GRIP1: variants seen among roughly 807,000 people sequenced by gnomAD.
The protein encoded by GRIP1 is glutamate receptor interacting protein 1.
GRIP1 carries 45 observed loss-of-function variants against 129.9 expected under a neutral mutation model. The ratio of observed to expected loss-of-function variants is 0.35; its 90% CI spans 0.27 to 0.44. The LOEUF (loss-of-function observed/expected upper bound fraction) is 0.44, where lower values mean the gene tolerates loss of function less well. Among genes scored for constraint, GRIP1 ranks in the 20% least tolerant of loss-of-function variants. The pLI is 1.00. For synonymous variants in GRIP1, 530 were observed against 520.8 expected (o/e 1.02, Z -0.24); for missense variants, 1,196 against 1,396.8 (o/e 0.86, Z 2.29).
At chr12:66,814,299 G>A (rs1465352578) in intron 1 of GRIP1, among the ~76,000 whole-genome samples, 1 of 152,036 alleles carries the variant, frequency 6.6e-6, no homozygotes, top group East Asian at 1.9e-4. Context: ...ATGAGTACAT[G>A]AAGCTCTTGG....
At chr12:66,899,486 C>T (rs1189832744) in intron 1 of GRIP1, among the ~76,000 whole-genome samples, 1 of 152,046 alleles carries the variant, frequency 6.6e-6, no homozygotes, top group African/African-American at 2.4e-5. Context: ...CCTCAGCCTC[C>T]TGAGTAGCTA....
rs565776414 is a variant in GRIP1 at position 66,363,404 on chromosome 12, C to CT, written c.3012+8289dup. Among the ~76,000 whole-genome samples, 413 of 133,460 alleles carry CT rather than the reference C, an allele frequency of 3.1e-3. 1 individual carries two copies. The highest frequency in any genetic ancestry group is 8.3e-3 in the African/African-American group (304 of 36,506). The allele number at this position is 133,460 out of a possible 152,430, so 87.6% of individuals were successfully genotyped here. On this transcript the variant is annotated intron_variant, in intron 23 of 24. Transcript: ENST00000359742. ...CACAGGTGCGTGCCACCACATCTGGCTTTTTTTTTTTTTTTAAATTATTTT... is the reference window on the plus strand; with the variant it reads ...CACAGGTGCGTGCCACCACATCTGGCTTTTTTTTTTTTTTTTAAATTATTTT...
chr12:66,944,600 T>G (rs2137461593), intron 1 of GRIP1, among the ~76,000 whole-genome samples: 1 of 151,942 alleles, frequency 6.6e-6, no homozygotes, highest in Non-Finnish European at 1.5e-5. Context: ...GAGAAAGTCC[T>G]GCAGCCTGAG....
chr12:66,616,305 A>G (rs1001833740), intron 1 of GRIP1, among the ~76,000 whole-genome samples: 3 of 152,276 alleles, frequency 2.0e-5, no homozygotes, highest in Admixed American at 2.0e-4. Context: ...ATGACAAAAT[A>G]ACTAAAACAT....
intron 1 of GRIP1, among the ~76,000 whole-genome samples, chr12:66,765,673 C>T (rs1367181667): frequency 6.6e-6 from 1 of 152,156 alleles, no homozygotes. Context: ...TTTTTTCTCA[C>T]ATTGCCTTAG....
At chr12:66,587,254 A>G (rs959690990) in intron 2 of GRIP1, among the ~76,000 whole-genome samples, 6 of 152,250 alleles carry the variant, frequency 3.9e-5, no homozygotes, top group African/African-American at 1.4e-4. Context: ...CTCTTCCTCC[A>G]GATCATTACG....
At chr12:66,978,024 G>A (rs142054095) in intron 1 of GRIP1, among the ~76,000 whole-genome samples, 9 of 151,600 alleles carry the variant, frequency 5.9e-5, no homozygotes, top group African/African-American at 2.2e-4. Flanking sequence ...GTCTCACTAT[G>A]TTGCCCAGAG....
chr12:67,057,313 G>A (rs2043453972), intron 1 of GRIP1, among the ~76,000 whole-genome samples: 1 of 151,802 alleles, frequency 6.6e-6, no homozygotes, highest in Admixed American at 6.6e-5. Context: ...CGCTCTCTCT[G>A]CACTACACCT....
chr12:66,373,113 A>G (rs1057041775), intron 22 of GRIP1, among the ~76,000 whole-genome samples: 6 of 152,086 alleles, frequency 3.9e-5, no homozygotes, highest in Admixed American at 2.6e-4. Context: ...TTTTTGAGAT[A>G]GACTCTCACT....
At position 67,024,246 on chromosome 12, in the gene GRIP1, C is replaced by T. The variant is rs74939032; in HGVS notation, c.58+44804G>A. 9.3e-3 allele frequency among the ~76,000 whole-genome samples: 1,411 copies of T among 152,276 alleles called. 9 individuals are homozygous for T. The highest frequency in any genetic ancestry group is 0.022 in the South Asian group (105 of 4,830). On this transcript the variant is annotated intron_variant, in intron 1 of 1. Coordinates refer to the GRIP1 transcript ENST00000643019. ...ACAAACAAATAATCAAGATGCCCAA[C>T]GCACTGCAGATTCGTGTGTATTTCT...
At chr12:66,355,419 T>G (rs2054439856) in intron 23 of GRIP1, among the ~76,000 whole-genome samples, 1 of 152,220 alleles carries the variant, frequency 6.6e-6, no homozygotes, top group South Asian at 2.1e-4. Flanking sequence ...AGTCTTCATT[T>G]TAAGAGGTGA....
intron 1 of GRIP1, among the ~76,000 whole-genome samples, chr12:66,911,951 C>T (rs1488534599): frequency 6.6e-6 from 1 of 152,142 alleles, no homozygotes; most frequent in Non-Finnish European, 1.5e-5. Context: ...GCTGAATAAA[C>T]CTGCATCTTC....
chr12:66,484,734 G>A (rs1381587313), intron 7 of GRIP1, among the ~76,000 whole-genome samples: 1 of 152,100 alleles, frequency 6.6e-6, no homozygotes, highest in Non-Finnish European at 1.5e-5. Context: ...ACATTTAGAT[G>A]GAGGGAATAA....
chr12:66,846,902 GA>G lies in GRIP1; in HGVS notation c.58+222147del, dbSNP rs552363608. ...GAAAGGATGAGGGAGGCAGGCTAAA[GA>G]GGCTTAGGACTGGCTAGTTTGAATG... On this transcript the variant is annotated intron_variant, in intron 1 of 1. Transcript: ENST00000643019. Among the ~76,000 whole-genome samples the G allele has an allele frequency of 1.6e-4, 24 of 152,152 alleles. 1 individual carries two copies. The highest frequency in any genetic ancestry group is 3.1e-4 in the Non-Finnish European group (21 of 68,026).
chr12:66,576,672 A>G (rs2063148902), intron 2 of GRIP1, among the ~76,000 whole-genome samples: 1 of 152,210 alleles, frequency 6.6e-6, no homozygotes, highest in Non-Finnish European at 1.5e-5. Flanking sequence ...TTAAATAAAT[A>G]AGACTGACAT....
At chr12:66,655,025 G>A (rs1346038833) in intron 1 of GRIP1, among the ~76,000 whole-genome samples, 1 of 152,122 alleles carries the variant, frequency 6.6e-6, no homozygotes, top group Non-Finnish European at 1.5e-5. Context: ...AAGAAGACAT[G>A]AGATGTTTAA....
At chr12:66,507,833 T>G (rs1288332778) in intron 7 of GRIP1, among the ~76,000 whole-genome samples, 1 of 151,982 alleles carries the variant, frequency 6.6e-6, no homozygotes, top group African/African-American at 2.4e-5. Flanking sequence ...TGCAGTGGTG[T>G]GATCATAATT....
intron 1 of GRIP1, among the ~76,000 whole-genome samples, chr12:66,604,772 T>A (rs551748504): frequency 6.6e-6 from 1 of 152,292 alleles, no homozygotes; most frequent in African/African-American, 2.4e-5. Context: ...GACAATTTGG[T>A]GCAAAATTTG....
chr12:66,892,355 T>C (rs1293010876), intron 1 of GRIP1, among the ~76,000 whole-genome samples: 1 of 152,194 alleles, frequency 6.6e-6, no homozygotes, highest in African/African-American at 2.4e-5. Context: ...TGATTCAACA[T>C]AACTTCCAGA....
Sources: gnomAD v4.1 joint callset for allele counts (sites outside exome capture counted in the v4.1 genomes callset) on GRCh38, gnomAD v4.1.1 for gene constraint, MANE v1.5 for transcripts, NCBI Gene and HGNC (gene_info 2026-07-23, HGNC 2026-07-21) for gene names.